The following ISY1 variants were observed in gnomAD, a reference collection of about 807,000 sequenced individuals.
ISY1 encodes pre-mRNA-splicing factor ISY1 homolog.
Under a neutral mutation model 54.4 loss-of-function variants are expected in ISY1, and 12 were observed. That is an observed-to-expected ratio of 0.22 (90% CI 0.14 to 0.36). The LOEUF is 0.36. ISY1 is among the 10% of genes least tolerant of loss of function. The pLI, the probability that ISY1 is intolerant of heterozygous loss-of-function variation, is 1.00. For synonymous variants in ISY1, 96 were observed against 117.9 expected, an observed-to-expected ratio of 0.81 and a Z score of 1.20; for missense variants, 282 against 342.2, an observed-to-expected ratio of 0.82 and a Z score of 1.39.
chr3:129,137,891 G>A (rs1470425882), intron 7 of ISY1, among the ~76,000 whole-genome samples: 2 of 145,408 alleles, frequency 1.4e-5, no homozygotes, highest in Non-Finnish European at 1.5e-5. Context: ...CTCCAGCCTG[G>A]GCAACACAGC....
chr3:129,158,278 C>T (rs951942154), intron 3 of ISY1, among the ~76,000 whole-genome samples: 5 of 151,948 alleles, frequency 3.3e-5, no homozygotes, highest in African/African-American at 4.8e-5. Context: ...CTCAGCCTCC[C>T]CAGTAGCTGG....
chr3:129,144,322 A>C (rs1044062718), intron 6 of ISY1: 3 of 198,092 alleles, frequency 1.5e-5, no homozygotes, highest in African/African-American at 6.9e-5. Flanking sequence ...CCAGACACAA[A>C]AGGTGCTTCA....
intron 1 of ISY1, among the ~76,000 whole-genome samples, chr3:129,159,616 TATGTA>T (rs908857400): frequency 3.9e-5 from 6 of 152,232 alleles, no homozygotes; most frequent in African/African-American, 1.4e-4. Context: ...CGTAAAGTTT[TATGTA>T]AGTTCTGTCA....
At chr3:129,133,568 C>A (rs747456869) in intron 9 of ISY1, among the ~76,000 whole-genome samples, 4 of 152,208 alleles carry the variant, frequency 2.6e-5, no homozygotes, top group Non-Finnish European at 5.9e-5. Flanking sequence ...GTGGCACTCG[C>A]CTGTAGTCCC....
chr3:129,145,939 A>G lies in ISY1; in HGVS notation c.188-66T>C, dbSNP rs556818890. 5 of 1,466,944 alleles carry G rather than the reference A, an allele frequency of 3.4e-6. No individual in the cohort carries two copies. The East Asian group carries it at 1.1e-4, about 33-fold the overall frequency. The allele number at this position is 1,466,944 out of a possible 1,614,324, so 90.9% of individuals were successfully genotyped here. A position where few individuals can be genotyped will look rare whatever the true frequency, so the allele number is the denominator to read the frequency against. On this transcript the variant is annotated intron_variant, in intron 5 of 10. Transcript: ENST00000393295. ...GAATGTCAACACCTCTAACACGTAC[A>G]CTTAGTATCATATCCTTAAAATGAA...
rs376880059 is a variant in ISY1, at chr3:129,136,510, C to CT, written c.419-1557dup. 4.9e-3 allele frequency among the ~76,000 whole-genome samples: 741 copies of CT among 151,570 alleles called. 3 individuals are homozygous for CT. In the Middle Eastern group the frequency reaches 0.058, roughly 12 times the overall value. ...GCCTGTAATCCCAGCATGTTTTTTT[C>CT]TTTTTTTTGTGGGACGGAGTCTCGC... On this transcript the variant is annotated intron_variant, in intron 7 of 10. Coordinates refer to ENST00000393295, the MANE Select transcript of ISY1 (RefSeq NM_020701.4).
At chr3:129,159,725 G>A (rs906904906) in intron 1 of ISY1, among the ~76,000 whole-genome samples, 1 of 152,192 alleles carries the variant, frequency 6.6e-6, no homozygotes, top group African/African-American at 2.4e-5. Flanking sequence ...TCCTGGCTAA[G>A]TCAGGGACTT....
chr3:129,129,506 T>TCCTGCCTCA lies in ISY1; in HGVS notation c.*574_*575insTGAGGCAGG, dbSNP rs1936180462. Reference sequence around the variant, plus strand: ...CTCCTGCCTCAGCCTCCCAAGCAGCTGGGACTACAGGTGCATGCCAGTACG... The same window carrying TCCTGCCTCA: ...CTCCTGCCTCAGCCTCCCAAGCAGCTCCTGCCTCAGGGACTACAGGTGCATGCCAGTACG... On this transcript the variant is annotated 3_prime_UTR_variant, in exon 11 of 11. Transcript: ENST00000393295. The TCCTGCCTCA allele has an allele frequency of 6.6e-6, 1 of 152,206 alleles. No individual in the cohort carries two copies. The highest frequency in any genetic ancestry group is 2.4e-5 in the African/African-American group (1 of 41,384). The allele number at this position is 152,206 out of a possible 1,614,324, so 9.4% of individuals were successfully genotyped here.
At chr3:129,136,326 T>C (rs1484244081) in intron 7 of ISY1, among the ~76,000 whole-genome samples, 1 of 152,040 alleles carries the variant, frequency 6.6e-6, no homozygotes, top group Non-Finnish European at 1.5e-5. Context: ...AGTCTCGAAC[T>C]CCTGACCTCA....
At chr3:129,155,344 G>A (rs1032247661) in intron 5 of ISY1, among the ~76,000 whole-genome samples, 21 of 151,630 alleles carry the variant, frequency 1.4e-4, no homozygotes, top group African/African-American at 4.8e-4. Flanking sequence ...ACAGGCACAT[G>A]ACACCACACC....
chr3:129,156,814 A>T, intron 4 of ISY1, 41 bp downstream of exon 4: 7 of 1,597,850 alleles, frequency 4.4e-6, no homozygotes, highest in Non-Finnish European at 6.0e-6. Context: ...GAAATGAGAG[A>T]CTTGTTACTT....
Position 129,135,102 on chromosome 3 carries a change from G to A in ISY1, c.419-148C>T, listed in dbSNP as rs554205776. 6.5e-5 allele frequency: 72 copies of A among 1,112,860 alleles called. No individual in the cohort carries two copies. In the African/African-American group the frequency reaches 8.4e-4, roughly 13 times the overall value. The allele number at this position is 1,112,860 out of a possible 1,614,324, so 68.9% of individuals were successfully genotyped here. On this transcript the variant is annotated intron_variant, in intron 7 of 10. Coordinates refer to ENST00000393295, the MANE Select transcript of ISY1 (RefSeq NM_020701.4). Reference sequence around the variant, plus strand: ...AGTGGCTCATGCTTGTAATCCTAGCGCTTTGGGAGGCCCAGACAGGTGGCT... The same window carrying A: ...AGTGGCTCATGCTTGTAATCCTAGCACTTTGGGAGGCCCAGACAGGTGGCT...
intron 7 of ISY1, among the ~76,000 whole-genome samples, chr3:129,137,743 T>C (rs997582309): frequency 6.7e-6 from 1 of 150,320 alleles, no homozygotes; most frequent in Admixed American, 6.7e-5. Flanking sequence ...ACCCCGTCTC[T>C]ACTAAAAAAA....
intron 5 of ISY1, among the ~76,000 whole-genome samples, chr3:129,150,547 TA>T (rs1936934832): frequency 6.6e-6 from 1 of 151,912 alleles, no homozygotes; most frequent in Non-Finnish European, 1.5e-5. Flanking sequence ...TCGTCTCTAC[TA>T]AAAATACAAA....
chr3:129,138,147 G>A (rs183459851), intron 7 of ISY1, among the ~76,000 whole-genome samples: 52 of 149,200 alleles, frequency 3.5e-4, no homozygotes, highest in African/African-American at 1.1e-3. Flanking sequence ...GCATGGTGGC[G>A]GGCGCCTATA....
intron 7 of ISY1, among the ~76,000 whole-genome samples, chr3:129,138,545 G>C (rs540908763): frequency 2.6e-5 from 4 of 152,244 alleles, no homozygotes; most frequent in African/African-American, 9.6e-5. Flanking sequence ...TCAGGAGGCT[G>C]AGGCAGGAGA....
chr3:129,142,139 A>G (rs1382152297), intron 6 of ISY1, among the ~76,000 whole-genome samples: 1 of 146,822 alleles, frequency 6.8e-6, no homozygotes, highest in Non-Finnish European at 1.5e-5. Context: ...TGGGAGGCGG[A>G]GGTTAGGGTG....
intron 9 of ISY1, among the ~76,000 whole-genome samples, chr3:129,131,521 T>C (rs547949092): frequency 1.4e-4 from 21 of 152,344 alleles, no homozygotes; most frequent in Middle Eastern, 6.8e-3. Context: ...GGTCCTGTTC[T>C]GTTTCTTCAC....
chr3:129,159,913 C>CT (rs1215252708), intron 1 of ISY1, among the ~76,000 whole-genome samples: 2 of 152,210 alleles, frequency 1.3e-5, no homozygotes, highest in African/African-American at 2.4e-5. Context: ...CAATTTAAAT[C>CT]TCTTTTGAGA....
Sources: gnomAD v4.1 joint callset for allele counts (sites outside exome capture counted in the v4.1 genomes callset) on GRCh38, gnomAD v4.1.1 for gene constraint, MANE v1.5 for transcripts, NCBI Gene and HGNC (gene_info 2026-07-23, HGNC 2026-07-21) for gene names.